The following COBL variants were observed in gnomAD, a reference collection of about 807,000 sequenced individuals.
COBL encodes protein cordon-bleu.
Under a neutral mutation model 98.8 loss-of-function variants are expected in COBL, and 51 were observed. That is an observed-to-expected ratio of 0.52 (90% confidence interval 0.41 to 0.65). The LOEUF is 0.65. COBL is among the 30% of genes least tolerant of loss of function. The pLI is 0.00. For synonymous variants in COBL, 634 were observed against 651.7 expected (o/e 0.97, Z 0.41); for missense variants, 1,617 against 1,617.5 (o/e 1.00, Z 0.01).
chr7:51,071,907 T>C (rs1486150937), intron 7 of COBL: 3 of 107,750 alleles, frequency 2.8e-5, no homozygotes, highest in African/African-American at 9.3e-5. Context: ...AAGTCCTTTA[T>C]TTCAAAAAAA....
At chr7:51,228,843 CCT>C (rs1320215928) in intron 1 of COBL, among the ~76,000 whole-genome samples, 2 of 152,108 alleles carry the variant, frequency 1.3e-5, no homozygotes, top group Non-Finnish European at 2.9e-5. Flanking sequence ...CAGAGCAACC[CCT>C]GTTCCAAGTT....
intron 1 of COBL, among the ~76,000 whole-genome samples, chr7:51,292,308 A>G (rs1298164059): frequency 6.6e-6 from 1 of 152,222 alleles, no homozygotes; most frequent in African/African-American, 2.4e-5. Flanking sequence ...ATGGAATGAA[A>G]TGAATCTTCA....
intron 1 of COBL, among the ~76,000 whole-genome samples, chr7:51,231,825 C>G (rs1794786500): frequency 6.6e-6 from 1 of 152,164 alleles, no homozygotes; most frequent in African/African-American, 2.4e-5. Flanking sequence ...GCATGTGGCA[C>G]CAGACCTGTA....
chr7:51,188,968 T>C (rs1208926944), intron 4 of COBL, among the ~76,000 whole-genome samples: 3 of 152,222 alleles, frequency 2.0e-5, no homozygotes, highest in Non-Finnish European at 4.4e-5. Flanking sequence ...GTGAAACAGT[T>C]TTCCCTTTAT....
intron 7 of COBL, among the ~76,000 whole-genome samples, chr7:51,044,323 C>A (rs911393956): frequency 1.3e-5 from 2 of 152,108 alleles, no homozygotes; most frequent in African/African-American, 4.8e-5. Context: ...GCTCTCCAAG[C>A]CAAGTTCTGT....
chr7:51,158,472 T>TA (rs1230655823), intron 5 of COBL, among the ~76,000 whole-genome samples: 1 of 77,014 alleles, frequency 1.3e-5, no homozygotes, highest in Non-Finnish European at 4.1e-5. Flanking sequence ...GCCTGGGACA[T>TA]ATTTAAGATG....
At chr7:51,148,102 G>A (rs567381064) in intron 5 of COBL, among the ~76,000 whole-genome samples, 337 of 152,242 alleles carry the variant, frequency 2.2e-3, no homozygotes, top group African/African-American at 7.8e-3. Flanking sequence ...AAGAATGTTA[G>A]CACAGGTCTT....
intron 6 of COBL, among the ~76,000 whole-genome samples, chr7:51,091,304 A>C (rs536248176): frequency 9.9e-5 from 15 of 152,236 alleles, no homozygotes; most frequent in Admixed American, 2.0e-4. Context: ...AAAACTATGC[A>C]TGAATAGAAT....
chr7:51,078,983 C>A (rs1417263742), intron 7 of COBL, among the ~76,000 whole-genome samples: 1 of 152,236 alleles, frequency 6.6e-6, no homozygotes, highest in Non-Finnish European at 1.5e-5. Context: ...TCCTTTTCAA[C>A]CCTAATCTTG....
intron 5 of COBL, among the ~76,000 whole-genome samples, chr7:51,176,574 T>C (rs1397544715): frequency 6.6e-6 from 1 of 152,198 alleles, no homozygotes; most frequent in African/African-American, 2.4e-5. Context: ...TTGCCAAAGA[T>C]AATGTAAAAT....
rs116761312 is a variant in COBL at position 51,235,201 on chromosome 7, G to A, written c.42-15257C>T. 8.5e-3 allele frequency among the ~76,000 whole-genome samples: 1,300 copies of A among 152,220 alleles called. 20 individuals carry two copies. The highest frequency in any genetic ancestry group is 0.03 in the African/African-American group (1,246 of 41,520). On this transcript the variant is annotated intron_variant, in intron 1 of 12. Coordinates refer to ENST00000265136, the MANE Select transcript of COBL (RefSeq NM_015198.5). The stretch of plus-strand genomic sequence containing the variant: ...GCCCACGAAGAAACACACCATCTTC[G>A]TATGCACCCTAACACCACAATTCTC...
At chr7:51,269,165 A>G (rs1330975679) in intron 1 of COBL, among the ~76,000 whole-genome samples, 1 of 151,926 alleles carries the variant, frequency 6.6e-6, no homozygotes, top group Non-Finnish European at 1.5e-5. Flanking sequence ...GCAGCCCCCC[A>G]CCAAGCCTCA....
Position 51,025,246 on chromosome 7 carries a change from G to T in COBL, c.3631C>A (p.Pro1211Thr). The T allele has an allele frequency of 6.2e-7, 1 of 1,608,900 alleles. No individual in the cohort carries two copies. The highest frequency in any genetic ancestry group is 2.3e-4 in the Middle Eastern group (1 of 4,434). The change falls in exon 12 of 13, where the codon CCT becomes ACT. Residue 1211 changes from proline to threonine, a missense_variant. Physicochemically the swap from Pro to Thr is conservative, Grantham distance 38. Around this residue, in one of 3 missense-constraint regions of COBL, gnomAD observed 1,304 missense variants for 1,282.0 expected, o/e 1.02. Transcript: ENST00000265136. ...GCAGAGAGAGCCTGGGAGGGTGGAG[G>T]GGGTGGTGGGGGAATGGCTGGTGGG... ...LSPPAIPPPP[P>T]PPSQALSAPR...
chr7:51,031,075 T>C (rs1588270599), intron 8 of COBL, 166 bp from the exon 9 acceptor site: 2 of 615,520 alleles, frequency 3.2e-6, no homozygotes, highest in Middle Eastern at 4.3e-4. Context: ...AGATTGTTCA[T>C]GGGTGTGTGT....
rs1240635856 is a variant in COBL, at chr7:51,017,522, G to A, written c.*29C>T. On this transcript the variant is annotated 3_prime_UTR_variant, in exon 13 of 13. Coordinates refer to ENST00000265136, the MANE Select transcript of COBL (RefSeq NM_015198.5). ...ACGCCTGTGGGCATATTACAGGTGGGTTTCTGCAATTCTCTGGCCTCTGTT... is the reference window on the plus strand; with the variant it reads ...ACGCCTGTGGGCATATTACAGGTGGATTTCTGCAATTCTCTGGCCTCTGTT... 5.6e-6 allele frequency: 9 copies of A among 1,612,330 alleles called. No homozygotes were observed. Among genetic ancestry groups the A allele is most frequent in the Non-Finnish European group, 7.6e-6 (9 of 1,178,496 alleles).
At chr7:51,027,396 GCCTGC>G (rs1787680829) in intron 10 of COBL, among the ~76,000 whole-genome samples, 1 of 152,198 alleles carries the variant, frequency 6.6e-6, no homozygotes, top group South Asian at 2.1e-4. Flanking sequence ...ATATGGATGG[GCCTGC>G]CCCTGGCCTC....
intron 5 of COBL, among the ~76,000 whole-genome samples, chr7:51,162,160 T>A (rs1340381691): frequency 6.6e-6 from 1 of 152,166 alleles, no homozygotes; most frequent in Non-Finnish European, 1.5e-5. Flanking sequence ...TTAACTGCAG[T>A]GTAATCTGTT....
rs536687185 is a variant in COBL at position 51,017,886 on chromosome 7, C to T, written c.3769-318G>A. Among the ~76,000 whole-genome samples the T allele has an allele frequency of 1.0e-3, 157 of 152,346 alleles. 2 individuals are homozygous for T. Among genetic ancestry groups the T allele is most frequent in the Admixed American group, 1.3e-3 (20 of 15,304 alleles). ...CACTGCCTCTTGGGCTGTGTGGGTA[C>T]GCATCTGAGGCCTTGCCCTCTGCTC... On this transcript the variant is annotated intron_variant, in intron 12 of 12. Transcript: ENST00000265136.
At chr7:51,081,693 G>A (rs1006548307) in intron 7 of COBL, among the ~76,000 whole-genome samples, 6 of 152,310 alleles carry the variant, frequency 3.9e-5, no homozygotes, top group African/African-American at 9.6e-5. Context: ...TGCTGGGCCC[G>A]TTCTGTGACT....
Sources: gnomAD v4.1 joint callset for allele counts (sites outside exome capture counted in the v4.1 genomes callset) on GRCh38, gnomAD v4.1.1 for gene constraint, gnomAD v4.1.1 regional missense constraint, MANE v1.5 for transcripts, NCBI Gene and HGNC (gene_info 2026-07-23, HGNC 2026-07-21) for gene names.